MYO18B: variants seen among roughly 807,000 people sequenced by gnomAD.
The protein encoded by MYO18B is myosin XVIIIB, also known as unconventional myosin-XVIIIb.
Under a neutral mutation model 273.0 loss-of-function variants are expected in MYO18B, and 204 were observed. The ratio of observed to expected loss-of-function variants is 0.75; its 90% CI spans 0.67 to 0.84. MYO18B has a LOEUF of 0.84. Ranked by LOEUF, MYO18B falls within the 40% of genes least tolerant of loss-of-function variation. The probability of loss-of-function intolerance (pLI) is 0.00; values close to 1 mark genes in which losing one functional copy is unlikely to be tolerated. For synonymous variants in MYO18B, 1,330 were observed against 1,305.7 expected (o/e 1.02, Z -0.40); for missense variants, 3,212 against 3,287.6 (o/e 0.98, Z 0.56).
At chr22:25,929,160 CAA>C (rs4049336) in intron 34 of MYO18B, among the ~76,000 whole-genome samples, 7 of 122,180 alleles carry the variant, frequency 5.7e-5, no homozygotes, top group Admixed American at 1.7e-4. Context: ...GAAACTGTCT[CAA>C]AAAAAAAAAA....
intron 22 of MYO18B, 71 bp from the exon 23 acceptor site, chr22:25,874,215 T>G: frequency 6.3e-7 from 1 of 1,582,754 alleles, no homozygotes; most frequent in African/African-American, 1.4e-5. Flanking sequence ...GGGGTCTGAT[T>G]TGCAAGCACC....
intron 39 of MYO18B, among the ~76,000 whole-genome samples, chr22:25,991,502 T>G (rs1175183264): frequency 6.6e-6 from 1 of 152,084 alleles, no homozygotes; most frequent in Non-Finnish European, 1.5e-5. Flanking sequence ...GTAACAATCA[T>G]TATGTGTTAA....
At chr22:25,840,208 G>A (rs898864751) in intron 17 of MYO18B, among the ~76,000 whole-genome samples, 1 of 152,278 alleles carries the variant, frequency 6.6e-6, no homozygotes, top group Non-Finnish European at 1.5e-5. Context: ...CCAGGGCCCT[G>A]ATCATAACAA....
At chr22:26,005,109 T>G (rs1273089357) in intron 42 of MYO18B, among the ~76,000 whole-genome samples, 1 of 152,214 alleles carries the variant, frequency 6.6e-6, no homozygotes, top group African/African-American at 2.4e-5. Flanking sequence ...GTTGAAGCAA[T>G]GAGGACCTAA....
chr22:25,971,225 C>T (rs866145668), intron 39 of MYO18B, among the ~76,000 whole-genome samples: 6 of 152,326 alleles, frequency 3.9e-5, no homozygotes, highest in African/African-American at 7.2e-5. Context: ...ATTTGGCCCA[C>T]GGGCTGTAGT....
In MYO18B at chr22:25,828,868, C is replaced by T. The variant is rs147134820; in HGVS notation, c.2879C>T (p.Ala960Val). ...QNPRHQGKDR[A>V]ATFEELCHNY... ...CCCCGGCACCAGGGCAAGGACCGGG[C>T]GGCCACCTTTGAGGAGCTGTGCCAC... Residue 960 changes from alanine (A) to valine (V), a missense_variant, in exon 15 of 44, where the codon GCG becomes GTG. Coordinates refer to ENST00000335473, the MANE Select transcript of MYO18B (RefSeq NM_032608.7). The T allele has an allele frequency of 2.8e-4, 457 of 1,613,964 alleles. 7 individuals are homozygous for T. The highest frequency in any genetic ancestry group is 2.7e-3 in the South Asian group (243 of 91,076).
intron 1 of MYO18B, among the ~76,000 whole-genome samples, chr22:25,755,075 A>G (rs1260514400): frequency 6.6e-6 from 1 of 151,874 alleles, no homozygotes; most frequent in East Asian, 1.9e-4. Flanking sequence ...TCTGTGAGTC[A>G]CTCGGGGGCC....
At chr22:25,772,566 G>A in intron 7 of MYO18B, 56 bp downstream of exon 7, 4 of 1,531,020 alleles carry the variant, frequency 2.6e-6, no homozygotes, top group Non-Finnish European at 2.7e-6. Context: ...GGGGCCTGGG[G>A]GGATCCCTCT....
chr22:25,903,902 A>T (rs1484877364), intron 31 of MYO18B, 71 bp downstream of exon 31: 4 of 1,487,844 alleles, frequency 2.7e-6, no homozygotes, highest in Admixed American at 4.2e-5. Flanking sequence ...ATTAAAATAC[A>T]ATGTGGGTGC....
Position 25,798,062 on chromosome 22 carries a change from C to A in MYO18B, c.2486C>A (p.Ala829Asp). 6.2e-7 allele frequency: 1 copy of A among 1,611,150 alleles called. No homozygotes were observed. The highest frequency in any genetic ancestry group is 8.5e-7 in the Non-Finnish European group (1 of 1,177,570). Residue 829 changes from alanine to aspartate, a missense_variant, in exon 12 of 44, where the codon GCC becomes GAC. By Grantham distance (126) the Ala-to-Asp change is moderately radical. Coordinates refer to ENST00000335473, the MANE Select transcript of MYO18B (RefSeq NM_032608.7). ...EQRAVWRVLA[A>D]IYHLGAAGAC... ...CGGGCTGTTTGGCGGGTCCTGGCAG[C>A]CATCTACCACCTGGGTGCGGCGGGG... is the stretch of plus-strand genomic sequence containing the variant.
Position 25,847,537 on chromosome 22 carries a change from G to A in MYO18B, c.3660G>A (p.Pro1220=), listed in dbSNP as rs375814059. 39 of 1,573,308 alleles carry A rather than the reference G, an allele frequency of 2.5e-5. No homozygotes were observed. The highest frequency in any genetic ancestry group is 5.4e-5 in the African/African-American group (4 of 73,832). Residue 1220 remains proline (P), a synonymous_variant, in exon 20 of 44, where the codon CCG becomes CCA. Coordinates refer to ENST00000335473, the MANE Select transcript of MYO18B (RefSeq NM_032608.7). ...SRSGQESPPP[P]QPGRDKPGAG... ...GTGGGCAGGAATCTCCACCACCACC[G>A]CAGCCTGGTAGAGACAAGCCTGGGG...
intron 12 of MYO18B, among the ~76,000 whole-genome samples, chr22:25,811,899 A>C (rs749051269): frequency 6.6e-6 from 1 of 152,238 alleles, no homozygotes; most frequent in Non-Finnish European, 1.5e-5. Flanking sequence ...CCAGTGTTCA[A>C]CATTTCAATG....
intron 21 of MYO18B, among the ~76,000 whole-genome samples, chr22:25,853,664 G>A (rs1569112828): frequency 6.6e-6 from 1 of 152,086 alleles, no homozygotes; most frequent in Non-Finnish European, 1.5e-5. Context: ...GTGTGGGGGA[G>A]TTTTTTTGTG....
At chr22:25,966,386 C>T (rs907870866) in intron 39 of MYO18B, among the ~76,000 whole-genome samples, 1 of 152,156 alleles carries the variant, frequency 6.6e-6, no homozygotes, top group African/African-American at 2.4e-5. Context: ...TCAAAAAGCC[C>T]TTGGTGTTTT....
chr22:25,908,115 G>A (rs1356478028), intron 31 of MYO18B, among the ~76,000 whole-genome samples: 1 of 151,916 alleles, frequency 6.6e-6, no homozygotes, highest in African/African-American at 2.4e-5. Flanking sequence ...GATGAGTGAT[G>A]TCTGTTATAA....
At chr22:25,983,229 TGTG>T (rs1459518162) in intron 39 of MYO18B, 1 of 152,090 alleles carries the variant, frequency 6.6e-6, no homozygotes, top group Non-Finnish European at 1.5e-5. Flanking sequence ...CCTAAGTGGA[TGTG>T]GTGATGTGCA....
chr22:25,744,077 A>G (rs2085705302), intron 1 of MYO18B, among the ~76,000 whole-genome samples: 1 of 152,140 alleles, frequency 6.6e-6, no homozygotes. Flanking sequence ...AGCTAACAAA[A>G]CCACAGAAGG....
the MYO18B span, among the ~76,000 whole-genome samples, chr22:26,044,962 G>A: frequency 6.6e-6 from 1 of 152,140 alleles, no homozygotes; most frequent in South Asian, 2.1e-4. Flanking sequence ...CATGGCCCCA[G>A]TAATTCATCT....
rs1335164513 is a variant in MYO18B, at chr22:25,777,681, T to C, written c.1968T>C (p.Ile656=). The C allele has an allele frequency of 1.2e-6, 2 of 1,613,150 alleles. No individual in the cohort carries two copies. The highest frequency in any genetic ancestry group is 2.7e-5 in the African/African-American group (2 of 75,026). ...TGAACCAGCGGAGAGACCAGAGCAT[T>C]GTGGCCCTGGGCTGGAGTGGCGCTG... ...ALLNQRRDQS[I]VALGWSGAGK... Residue 656 remains isoleucine (I), a synonymous_variant, in exon 8 of 44, where the codon ATT becomes ATC. Transcript: ENST00000335473.
Sources: gnomAD v4.1 joint callset for allele counts (sites outside exome capture counted in the v4.1 genomes callset) on GRCh38, gnomAD v4.1.1 for gene constraint, MANE v1.5 for transcripts, NCBI Gene and HGNC (gene_info 2026-07-23, HGNC 2026-07-21) for gene names.